Variants in TMPRSS9 observed in about 807,000 individuals in gnomAD.
TMPRSS9 encodes transmembrane protease serine 9.
TMPRSS9 carries 113 observed loss-of-function variants against 111.4 expected under a neutral mutation model. The ratio of observed to expected loss-of-function variants is 1.01; its 90% CI spans 0.87 to 1.19. The LOEUF (loss-of-function observed/expected upper bound fraction) is 1.19, where lower values mean the gene tolerates loss of function less well. Among genes scored for constraint, TMPRSS9 ranks in the 50% most tolerant of loss-of-function variants. The pLI, the probability that TMPRSS9 is intolerant of heterozygous loss-of-function variation, is 0.00. For missense variants in TMPRSS9, 1,803 were observed against 1,513.1 expected, an observed-to-expected ratio of 1.19 and a Z score of -3.18; for synonymous variants, 805 against 659.1, an observed-to-expected ratio of 1.22 and a Z score of -3.39.
intron 8 of TMPRSS9, 141 bp from the exon 10 acceptor site, chr19:2,410,117 G>A (rs900443308): frequency 1.7e-6 from 2 of 1,198,966 alleles, no homozygotes; most frequent in African/African-American, 1.5e-5. Context: ...TAGTTTCAGA[G>A]CCATGTGTTG....
Position 2,425,384 on chromosome 19 carries a change from C to T in TMPRSS9, c.3011C>T (p.Ala1004Val), listed in dbSNP as rs1477026191. The change falls in exon 17 of 18, where the codon GCG (alanine) becomes GTG (valine). Residue 1004 changes from alanine (A) to valine (V), a missense_variant. By Grantham distance (64) the Ala-to-Val change is moderately conservative. Coordinates refer to ENST00000648592, the Ensembl canonical transcript of TMPRSS9. ...TCCATGGCGCGGCAGCTGCAGAAGG[C>T]GGCCGTGCGCCTCCTCAGCGAGCAG... 9 of 1,543,456 alleles carry T rather than the reference C, an allele frequency of 5.8e-6. No homozygotes were observed. Among genetic ancestry groups the T allele is most frequent in the African/African-American group, 2.8e-5 (2 of 71,232 alleles).
intron 14 of TMPRSS9, 43 bp downstream of exon 15, chr19:2,422,290 A>G: frequency 1.3e-6 from 2 of 1,487,462 alleles, no homozygotes; most frequent in Non-Finnish European, 8.9e-7. Flanking sequence ...GGAGGGTCCC[A>G]TGTTAATCAG....
chr19:2,401,090 C>G (rs765250536), intron 4 of TMPRSS9, among the ~76,000 whole-genome samples: 2 of 148,632 alleles, frequency 1.3e-5, no homozygotes, highest in Admixed American at 6.7e-5. Context: ...CTGGCTAACA[C>G]GGTGAAACCC....
chr19:2,392,183 T>C (rs1680985662), intron 1 of TMPRSS9, among the ~76,000 whole-genome samples: 1 of 151,374 alleles, frequency 6.6e-6, no homozygotes, highest in Admixed American at 6.6e-5. Context: ...ACCCCATCTC[T>C]ACAAAAAATT....
At chr19:2,425,459 C>T (rs865787283) in exon 17 of TMPRSS9, 2 of 1,591,278 alleles carry the variant, frequency 1.3e-6, no homozygotes, top group Middle Eastern at 1.7e-4. Flanking sequence ...ATGCTGTGTG[C>T]CGGCTTCCCG....
intron 1 of TMPRSS9, among the ~76,000 whole-genome samples, chr19:2,371,350 C>T (rs988338932): frequency 7.2e-5 from 11 of 152,152 alleles, no homozygotes; most frequent in South Asian, 2.1e-4. Context: ...CAGATGAAGA[C>T]GGAAGTCGGT....
chr19:2,424,312 C>A, intron 15 of TMPRSS9, 55 bp downstream of exon 16: 2 of 1,291,714 alleles, frequency 1.5e-6, no homozygotes, highest in Non-Finnish European at 9.9e-7. Context: ...CACCCGGAAC[C>A]GAACTGTTGC....
chr19:2,411,881 C>T (rs1391578408), intron 9 of TMPRSS9, among the ~76,000 whole-genome samples: 3 of 152,120 alleles, frequency 2.0e-5, no homozygotes, highest in Admixed American at 1.3e-4. Flanking sequence ...TTCAAGGTGT[C>T]TCATTCTTTC....
chr19:2,418,202 C>G, intron 13 of TMPRSS9, 64 bp downstream of exon 14: 1 of 1,532,846 alleles, frequency 6.5e-7, no homozygotes, highest in Non-Finnish European at 8.8e-7. Context: ...GTTCACCCAG[C>G]AGTTCTTTGT....
chr19:2,423,969 C>T (rs1172429931), intron 14 of TMPRSS9, 120 bp from the exon 16 acceptor site: 8 of 1,071,446 alleles, frequency 7.5e-6, no homozygotes, highest in Non-Finnish European at 8.3e-6. Flanking sequence ...GGGATAGGTC[C>T]CCCATCACAA....
intron 6 of TMPRSS9, among the ~76,000 whole-genome samples, chr19:2,404,089 G>T (rs1970916398): frequency 6.6e-6 from 1 of 151,938 alleles, no homozygotes; most frequent in Non-Finnish European, 1.5e-5. Context: ...GATTGCTTGA[G>T]CCCAGTAGAT....
At chr19:2,417,935 C>A in intron 12 of TMPRSS9, 67 bp from the exon 14 acceptor site, 2 of 1,591,522 alleles carry the variant, frequency 1.3e-6, no homozygotes, top group Non-Finnish European at 1.7e-6. Flanking sequence ...GGGCTGTTAT[C>A]GGAGCGGAAC....
chr19:2,372,988 C>T (rs757562947), intron 1 of TMPRSS9, among the ~76,000 whole-genome samples: 61 of 151,996 alleles, frequency 4.0e-4, no homozygotes, highest in Non-Finnish European at 6.9e-4. Context: ...TGCACCACCA[C>T]CCCTGGCTAA....
chr19:2,406,445 G>C (rs971872401), intron 7 of TMPRSS9, among the ~76,000 whole-genome samples: 14 of 151,760 alleles, frequency 9.2e-5, no homozygotes, highest in African/African-American at 3.4e-4. Context: ...TCTTGCCTCA[G>C]CCTCCCAAGT....
intron 1 of TMPRSS9, among the ~76,000 whole-genome samples, chr19:2,376,109 C>T (rs754194630): frequency 1.2e-4 from 18 of 152,272 alleles, no homozygotes; most frequent in Admixed American, 3.3e-4. Context: ...GTGGGCAGGG[C>T]TGGTCCCTCC....
chr19:2,396,522 C>G lies in TMPRSS9; in HGVS notation c.143-17C>G. 1 of 1,587,144 alleles carries G rather than the reference C, an allele frequency of 6.3e-7. No homozygotes were observed. Among genetic ancestry groups the G allele is most frequent in the Non-Finnish European group, 8.6e-7 (1 of 1,164,610 alleles). Reference sequence around the variant, plus strand: ...CCCAAAGGTGGGCTCTCTCACGGGCCCTGGTCTCGTCCCCAGCCTTCCTCT... The same window carrying G: ...CCCAAAGGTGGGCTCTCTCACGGGCGCTGGTCTCGTCCCCAGCCTTCCTCT... On this transcript the variant is annotated splice_polypyrimidine_tract_variant and intron_variant, in intron 1 of 17. Transcript: ENST00000648592.
At chr19:2,424,198 T>G (rs1489342146) in exon 15 of TMPRSS9, 1 of 1,458,756 alleles carries the variant, frequency 6.9e-7, no homozygotes, top group Non-Finnish European at 9.1e-7. Context: ...GGGAACACCG[T>G]TGCGGGGCCG....
intron 1 of TMPRSS9, among the ~76,000 whole-genome samples, chr19:2,365,735 C>A (rs1407541650): frequency 6.6e-6 from 1 of 152,016 alleles, no homozygotes; most frequent in Non-Finnish European, 1.5e-5. Flanking sequence ...GAGGCTGAGG[C>A]AGGAGGATCA....
intron 1 of TMPRSS9, among the ~76,000 whole-genome samples, chr19:2,372,801 A>C (rs1413998214): frequency 6.6e-6 from 1 of 152,186 alleles, no homozygotes; most frequent in Non-Finnish European, 1.5e-5. Context: ...CAATTTAGAA[A>C]TATGGGTGTT....
Sources: allele counts gnomAD v4.1 joint callset (sites outside exome capture counted in the v4.1 genomes callset), GRCh38; gene constraint gnomAD v4.1.1; transcripts MANE v1.5; gene names NCBI Gene and HGNC (gene_info 2026-07-23, HGNC 2026-07-21).